Variants in MIEF1 observed in about 807,000 individuals in gnomAD.
MIEF1 encodes the protein mitochondrial dynamics protein MIEF1.
In MIEF1, 14 loss-of-function variants were observed where a neutral mutation model predicts 35.1. The observed-to-expected ratio is 0.40, with a 90% CI of 0.26 to 0.62. The LOEUF is 0.62. Among genes scored for constraint, MIEF1 ranks in the 20% least tolerant of loss-of-function variants. The probability of loss-of-function intolerance (pLI) is 0.43; values close to 1 mark genes in which losing one functional copy is unlikely to be tolerated. For missense variants in MIEF1, 542 were observed against 615.4 expected (o/e 0.88, Z 1.26); for synonymous variants, 245 against 254.3 (o/e 0.96, Z 0.35).
intron 2 of MIEF1, among the ~76,000 whole-genome samples, chr22:39,506,079 A>G (rs1929999352): frequency 6.6e-6 from 1 of 152,160 alleles, no homozygotes. Flanking sequence ...TAGCGGATCT[A>G]GGAGGGAATT....
rs1930573991 is a variant in MIEF1 at position 39,514,847 on chromosome 22, C to T, written c.*524C>T. 2 of 246,210 alleles carry T rather than the reference C, an allele frequency of 8.1e-6. No individual in the cohort carries two copies. The highest frequency in any genetic ancestry group is 4.5e-5 in the African/African-American group (2 of 44,402). 15.3% of individuals were successfully genotyped at this position (246,210 alleles called of 1,614,324 possible). On this transcript the variant is annotated 3_prime_UTR_variant, in exon 6 of 6. Coordinates refer to ENST00000325301, the MANE Select transcript of MIEF1 (RefSeq NM_019008.6). Reference sequence around the variant, plus strand: ...GAACTCTACAGAGCGAGTGCTGAGACAGTATTTAGGGTTTCTGGGAGTGAG... The same window carrying T: ...GAACTCTACAGAGCGAGTGCTGAGATAGTATTTAGGGTTTCTGGGAGTGAG...
At chr22:39,506,610 G>T (rs1930029011) in intron 2 of MIEF1, among the ~76,000 whole-genome samples, 1 of 152,226 alleles carries the variant, frequency 6.6e-6, no homozygotes, top group Admixed American at 6.5e-5. Context: ...AGCAAGATAG[G>T]TTTATAAAAA....
intron 1 of MIEF1, chr22:39,502,904 A>G (rs1182307414): frequency 6.6e-6 from 1 of 152,202 alleles, no homozygotes; most frequent in Non-Finnish European, 1.5e-5. Flanking sequence ...AAGCTTGCGC[A>G]GGAAGTTAGC....
chr22:39,509,434 A>G (rs908473392), intron 2 of MIEF1: 3 of 152,344 alleles, frequency 2.0e-5, no homozygotes, highest in Non-Finnish European at 4.4e-5. Context: ...CCAGGGTTCT[A>G]ACTCCACAGG....
In MIEF1 at chr22:39,512,112, G is replaced by A. The variant is rs1930374727; in HGVS notation, c.322+86G>A. On this transcript the variant is annotated intron_variant, in intron 4 of 5. Transcript: ENST00000325301. The stretch of plus-strand genomic sequence containing the variant: ...CAGCAGATGTTTCCTGAGCACATCT[G>A]TGCCAGGCACTGTGCCAGCACTTGC... 3 of 1,558,514 alleles carry A rather than the reference G, an allele frequency of 1.9e-6. No homozygotes were observed. The South Asian group carries it at 3.6e-5, about 19-fold the overall frequency.
At chr22:39,506,876 C>T (rs1483428700) in intron 2 of MIEF1, among the ~76,000 whole-genome samples, 1 of 152,160 alleles carries the variant, frequency 6.6e-6, no homozygotes, top group Non-Finnish European at 1.5e-5. Context: ...CCATCTTAAC[C>T]ATTTTAAAGT....
intron 5 of MIEF1, 80 bp downstream of exon 5, chr22:39,512,574 C>T (rs1370512595): frequency 6.6e-7 from 1 of 1,511,178 alleles, no homozygotes; most frequent in Non-Finnish European, 8.8e-7. Context: ...GTGTCCCAGG[C>T]TTGCCAGAAA....
chr22:39,511,152 A>T, intron 2 of MIEF1, 136 bp from the exon 3 acceptor site: 1 of 1,053,108 alleles, frequency 9.5e-7, no homozygotes, highest in South Asian at 1.6e-5. Context: ...ACCCTAAAGC[A>T]TGCAGTGCTG....
upstream of MIEF1, chr22:39,501,699 A>C (rs1929710237): frequency 6.6e-6 from 1 of 152,320 alleles, no homozygotes; most frequent in Non-Finnish European, 1.5e-5. Context: ...TAAGATGTGC[A>C]GACATTTCCG....
chr22:39,513,427 G>T (rs1930473778), intron 5 of MIEF1, 90 bp from the exon 6 acceptor site: 3 of 1,321,748 alleles, frequency 2.3e-6, no homozygotes, highest in Non-Finnish European at 3.1e-6. Flanking sequence ...CTTGCTGGGG[G>T]GGAATGTAAG....
At chr22:39,509,862 T>C (rs1930243064) in intron 2 of MIEF1, among the ~76,000 whole-genome samples, 1 of 152,154 alleles carries the variant, frequency 6.6e-6, no homozygotes, top group African/African-American at 2.4e-5. Context: ...GTAGATAGAA[T>C]AAGGGCCGAT....
rs1028597427 is a variant in MIEF1, at chr22:39,516,611, G to T, written c.*2288G>T. ...CCAGCTACTCGGGAGGCTGAGGCAG[G>T]AGAATAACTTAAACCCGGGAGGCGG... On this transcript the variant is annotated 3_prime_UTR_variant, in exon 6 of 6. Transcript: ENST00000325301. The T allele has an allele frequency of 6.6e-6, 1 of 152,280 alleles. No homozygotes were observed. The highest frequency in any genetic ancestry group is 1.5e-5 in the Non-Finnish European group (1 of 68,068). The allele number at this position is 152,280 out of a possible 1,614,324, so 9.4% of individuals were successfully genotyped here.
intron 2 of MIEF1, among the ~76,000 whole-genome samples, chr22:39,506,162 C>G (rs1368963938): frequency 6.6e-6 from 1 of 152,088 alleles, no homozygotes; most frequent in East Asian, 1.9e-4. Flanking sequence ...GCTATCACTA[C>G]CCCCTCAAAA....
At position 39,504,459 on chromosome 22, in the gene MIEF1, A is replaced by G. The variant is rs1929916438; in HGVS notation, c.-83A>G. The G allele has an allele frequency of 5.0e-6, 2 of 398,948 alleles. No homozygotes were observed. Among genetic ancestry groups the G allele is most frequent in the Non-Finnish European group, 8.8e-6 (2 of 226,110 alleles). The allele number at this position is 398,948 out of a possible 1,614,324, so 24.7% of individuals were successfully genotyped here. On this transcript the variant is annotated 5_prime_UTR_variant, in exon 2 of 6. Transcript: ENST00000325301. ...GATCATTTAGGATCCTCCAAGGGAAAGAGGACAAAGGTGCCTTCTGTAGAC... is the reference window on the plus strand; with the variant it reads ...GATCATTTAGGATCCTCCAAGGGAAGGAGGACAAAGGTGCCTTCTGTAGAC...
chr22:39,504,620 A>G (rs1929925972), intron 2 of MIEF1, 86 bp downstream of exon 2: 1 of 380,680 alleles, frequency 2.6e-6, no homozygotes, highest in Non-Finnish European at 4.6e-6. Context: ...TTTAGTCATT[A>G]GAAATCAGTG....
Position 39,515,025 on chromosome 22 carries a change from A to G in MIEF1, c.*702A>G. ...ATAAGCTGAATGCAAAGTTATTTGC[A>G]GGTTGAATTTCTTGGTGGCTATTAG... On this transcript the variant is annotated 3_prime_UTR_variant, in exon 6 of 6. Transcript: ENST00000325301. 1.8e-6 allele frequency: 1 copy of G among 559,348 alleles called. No individual in the cohort carries two copies. The allele number at this position is 559,348 out of a possible 1,614,324, so 34.6% of individuals were successfully genotyped here.
chr22:39,517,726 G>T lies in MIEF1; in HGVS notation c.*3403G>T. 1 of 415,942 alleles carries T rather than the reference G, an allele frequency of 2.4e-6. No individual in the cohort carries two copies. Among genetic ancestry groups the T allele is most frequent in the Non-Finnish European group, 5.0e-6 (1 of 199,000 alleles). 25.8% of individuals were successfully genotyped at this position (415,942 alleles called of 1,614,324 possible). A position where few individuals can be genotyped will look rare whatever the true frequency, so the allele number is the denominator to read the frequency against. On this transcript the variant is annotated 3_prime_UTR_variant, in exon 6 of 6. Transcript: ENST00000325301. ...ATGATAGGAGACTTAGGACAGAGCT[G>T]ACCCTTGCACCAGGCTGGGAGGCTG... is the stretch of plus-strand genomic sequence containing the variant.
intron 2 of MIEF1, among the ~76,000 whole-genome samples, chr22:39,504,923 G>A (rs764838183): frequency 6.6e-5 from 10 of 152,260 alleles, no homozygotes; most frequent in East Asian, 3.9e-4. Flanking sequence ...GGCCCGGTGC[G>A]GTGGCTCACG....
chr22:39,508,013 C>A (rs964665733), intron 2 of MIEF1, among the ~76,000 whole-genome samples: 3 of 152,196 alleles, frequency 2.0e-5, no homozygotes, highest in African/African-American at 7.2e-5. Flanking sequence ...GACCTTTGTC[C>A]TGTGGATGGA....
Sources: allele counts gnomAD v4.1 joint callset (sites outside exome capture counted in the v4.1 genomes callset), GRCh38; gene constraint gnomAD v4.1.1; transcripts MANE v1.5; gene names NCBI Gene and HGNC (gene_info 2026-07-23, HGNC 2026-07-21).